Variants in DOK6 observed in about 807,000 individuals in gnomAD.
DOK6 encodes the protein downstream of tyrosine kinase 6.
In DOK6, 22 loss-of-function variants were observed where a neutral mutation model predicts 44.0. The observed-to-expected ratio is 0.50, with a 90% confidence interval of 0.36 to 0.71. The LOEUF (loss-of-function observed/expected upper bound fraction) is 0.71. Ranked by LOEUF, DOK6 falls within the 30% of genes least tolerant of loss-of-function variation. The pLI is 0.00. For synonymous variants in DOK6, 166 were observed against 145.5 expected, an observed-to-expected ratio of 1.14 and a Z score of -1.01; for missense variants, 340 against 416.4, an observed-to-expected ratio of 0.82 and a Z score of 1.60.
chr18:69,416,181 C>CGAAGGAAGGAAG (rs1568250409), intron 1 of DOK6, among the ~76,000 whole-genome samples: 2 of 2,618 alleles, frequency 7.6e-4, no homozygotes, highest in African/African-American at 1.7e-3. Flanking sequence ...AAGGAAGGAA[C>CGAAGGAAGGAAG]GAAGGAAGGA....
chr18:69,653,559 G>A (rs565373199), intron 3 of DOK6, among the ~76,000 whole-genome samples: 39 of 152,256 alleles, frequency 2.6e-4, no homozygotes, highest in African/African-American at 9.1e-4. Context: ...GATCCACCAA[G>A]GAAGAGGGAC....
intron 5 of DOK6, among the ~76,000 whole-genome samples, chr18:69,700,494 C>T (rs967925198): frequency 7.2e-5 from 11 of 152,076 alleles, no homozygotes; most frequent in African/African-American, 2.7e-4. Context: ...TACCTGTCCA[C>T]ATTAGTTTTT....
At chr18:69,777,169 G>A (rs560933771) in intron 7 of DOK6, among the ~76,000 whole-genome samples, 1 of 151,010 alleles carries the variant, frequency 6.6e-6, no homozygotes, top group East Asian at 1.9e-4. Context: ...GGATAAAAAA[G>A]TAAAACTAAC....
Position 69,591,199 on chromosome 18 carries a change from C to G in DOK6, c.175-8185C>G, listed in dbSNP as rs141083040. 1.9e-3 allele frequency among the ~76,000 whole-genome samples: 294 copies of G among 152,214 alleles called. 3 individuals carry two copies. The highest frequency in any genetic ancestry group is 6.9e-3 in the African/African-American group (287 of 41,536). ...GTAGTAAGAAATACTAATTTTACAT[C>G]TAGACTTCCAAGTGTGTCTTTTTAA... On this transcript the variant is annotated intron_variant, in intron 2 of 7. Coordinates refer to ENST00000382713, the MANE Select transcript of DOK6 (RefSeq NM_152721.6).
At chr18:69,582,292 AAAGCTATAC>A (rs1323806900) in intron 2 of DOK6, among the ~76,000 whole-genome samples, 2 of 152,224 alleles carry the variant, frequency 1.3e-5, no homozygotes, top group Non-Finnish European at 2.9e-5. Flanking sequence ...TCTATGATTT[AAAGCTATAC>A]AAATTTCTAG....
Position 69,521,714 on chromosome 18 carries a change from G to A in DOK6, c.67-42773G>A, listed in dbSNP as rs112589590. On this transcript the variant is annotated intron_variant, in intron 1 of 7. Transcript: ENST00000382713. The stretch of plus-strand genomic sequence containing the variant: ...TAGAATCATTTCTAATGAGTACAAA[G>A]GTACAATTAGGAGAAATAAGTTCTG... 1.7e-3 allele frequency among the ~76,000 whole-genome samples: 265 copies of A among 151,908 alleles called. 1 individual carries two copies. The highest frequency in any genetic ancestry group is 3.4e-3 in the Middle Eastern group (1 of 294).
intron 1 of DOK6, among the ~76,000 whole-genome samples, chr18:69,473,337 C>T (rs1980169302): frequency 6.6e-6 from 1 of 152,056 alleles, no homozygotes; most frequent in Non-Finnish European, 1.5e-5. Flanking sequence ...TATGGCAACC[C>T]TAATTTTTAA....
chr18:69,702,578 C>G (rs1305448887), intron 5 of DOK6, among the ~76,000 whole-genome samples: 1 of 152,118 alleles, frequency 6.6e-6, no homozygotes, highest in Non-Finnish European at 1.5e-5. Context: ...AAAATATACC[C>G]CAATTTCAGA....
At chr18:69,789,820 CT>C (rs1443751537) in intron 7 of DOK6, among the ~76,000 whole-genome samples, 1 of 152,140 alleles carries the variant, frequency 6.6e-6, no homozygotes, top group Non-Finnish European at 1.5e-5. Flanking sequence ...TTTGTAAACA[CT>C]TTTTCTTCTT....
chr18:69,757,608 C>T, intron 6 of DOK6, 148 bp from the exon 7 acceptor site: 2 of 649,082 alleles, frequency 3.1e-6, no homozygotes, highest in Admixed American at 2.5e-5. Context: ...AATGATTTTA[C>T]TTTAAAAGTT....
intron 7 of DOK6, among the ~76,000 whole-genome samples, chr18:69,799,094 T>A (rs1980829449): frequency 6.6e-6 from 1 of 152,082 alleles, no homozygotes; most frequent in African/African-American, 2.4e-5. Context: ...ACATTCAGCA[T>A]TAACTGTCAT....
intron 5 of DOK6, among the ~76,000 whole-genome samples, chr18:69,731,561 T>C (rs574826054): frequency 1.6e-4 from 24 of 152,302 alleles, no homozygotes; most frequent in African/African-American, 5.8e-4. Context: ...AAAGGATCTT[T>C]CACATAATTA....
chr18:69,487,219 GTGTC>G (rs1208248933), intron 1 of DOK6, among the ~76,000 whole-genome samples: 6 of 135,378 alleles, frequency 4.4e-5, no homozygotes, highest in Admixed American at 3.2e-4. Context: ...GTGTGTGTGT[GTGTC>G]TGTCTGTGTG....
At chr18:69,769,159 A>G (rs1979814156) in intron 7 of DOK6, among the ~76,000 whole-genome samples, 1 of 152,096 alleles carries the variant, frequency 6.6e-6, no homozygotes, top group African/African-American at 2.4e-5. Flanking sequence ...TCTCAGTGAC[A>G]TAGTATGTCA....
At chr18:69,484,892 C>G (rs1980530530) in intron 1 of DOK6, among the ~76,000 whole-genome samples, 1 of 152,018 alleles carries the variant, frequency 6.6e-6, no homozygotes, top group African/African-American at 2.4e-5. Flanking sequence ...ATAAATAGAA[C>G]TCTGGAAAAG....
chr18:69,700,958 C>T (rs1986505231), intron 5 of DOK6, among the ~76,000 whole-genome samples: 1 of 152,126 alleles, frequency 6.6e-6, no homozygotes, highest in African/African-American at 2.4e-5. Flanking sequence ...TAAATTTTAG[C>T]TATTTATTTA....
intron 5 of DOK6, among the ~76,000 whole-genome samples, chr18:69,705,791 T>A (rs1196369747): frequency 6.6e-6 from 1 of 152,214 alleles, no homozygotes; most frequent in African/African-American, 2.4e-5. Context: ...CTCTTTCTTT[T>A]TAGTACCATA....
chr18:69,543,912 T>C (rs2144582899), intron 1 of DOK6, among the ~76,000 whole-genome samples: 1 of 151,254 alleles, frequency 6.6e-6, no homozygotes, highest in Admixed American at 6.6e-5. Context: ...AGCAAATATA[T>C]TGAAGGGGTA....
intron 4 of DOK6, among the ~76,000 whole-genome samples, chr18:69,682,376 C>T (rs960789640): frequency 6.6e-6 from 1 of 152,110 alleles, no homozygotes; most frequent in Non-Finnish European, 1.5e-5. Flanking sequence ...AGCAGATCTT[C>T]GTTGTTCAGG....
Sources: gnomAD v4.1 joint callset for allele counts (sites outside exome capture counted in the v4.1 genomes callset) on GRCh38, gnomAD v4.1.1 for gene constraint, MANE v1.5 for transcripts, NCBI Gene and HGNC (gene_info 2026-07-23, HGNC 2026-07-21) for gene names.